The following ADAMTS2 variants were observed in gnomAD, a reference collection of about 807,000 sequenced individuals.
The protein encoded by ADAMTS2 is A disintegrin and metalloproteinase with thrombospondin motifs 2.
In ADAMTS2, 50 loss-of-function variants were observed where a neutral mutation model predicts 123.0. The ratio of observed to expected loss-of-function variants is 0.41; its 90% CI spans 0.32 to 0.51. ADAMTS2 has a LOEUF of 0.51. ADAMTS2 is among the 20% of genes least tolerant of loss of function. The probability of loss-of-function intolerance (pLI) is 0.35; values close to 1 mark genes in which losing one functional copy is unlikely to be tolerated. For synonymous variants in ADAMTS2, 678 were observed against 695.4 expected, an observed-to-expected ratio of 0.98 and a Z score of 0.39; for missense variants, 1,494 against 1,705.2, an observed-to-expected ratio of 0.88 and a Z score of 2.18.
chr5:179,158,009 G>C lies in ADAMTS2; in HGVS notation c.1132+714C>G, dbSNP rs1763514517. Among the ~76,000 whole-genome samples the C allele has an allele frequency of 6.6e-6, 1 of 151,700 alleles. No individual in the cohort carries two copies. The highest frequency in any genetic ancestry group is 6.6e-5 in the Admixed American group (1 of 15,240). ...AGACAGAGTCTCGCACTGTCTCCCAGGCTGGAGCAAAGTGGTGCGATCTCG... is the reference window on the plus strand; with the variant it reads ...AGACAGAGTCTCGCACTGTCTCCCACGCTGGAGCAAAGTGGTGCGATCTCG... On this transcript the variant is annotated intron_variant, in intron 6 of 21. Coordinates refer to ENST00000251582, the MANE Select transcript of ADAMTS2 (RefSeq NM_014244.5). This position sits in a 1 kb window ranked among gnomAD's most constrained non-coding sequence, Gnocchi z 5.0.
chr5:179,152,326 C>T (rs770450527), intron 9 of ADAMTS2, 71 bp from the exon 10 acceptor site: 116 of 1,453,166 alleles, frequency 8.0e-5, no homozygotes, highest in Admixed American at 1.8e-4. Context: ...CACCCACCCC[C>T]GGGTTCTGGA....
intron 4 of ADAMTS2, among the ~76,000 whole-genome samples, chr5:179,195,810 A>G (rs1191052761): frequency 6.6e-6 from 1 of 152,208 alleles, no homozygotes; most frequent in Non-Finnish European, 1.5e-5. Flanking sequence ...AGCGTGAGGA[A>G]CAGAAACAGT....
rs965593276 is a variant in ADAMTS2, at chr5:179,115,411, A to G, written c.3179-1087T>C. 6.6e-6 allele frequency among the ~76,000 whole-genome samples: 1 copy of G among 152,198 alleles called. No individual in the cohort carries two copies. The highest frequency in any genetic ancestry group is 2.4e-5 in the African/African-American group (1 of 41,446). ...AAGAAAGAATAAGTCATGTTACAGG[A>G]GATACTTGATCCAGTATAAATTCCG... On this transcript the variant is annotated intron_variant, in intron 21 of 21. Coordinates refer to ENST00000251582, the MANE Select transcript of ADAMTS2 (RefSeq NM_014244.5). This position sits in a 1 kb window ranked among gnomAD's most constrained non-coding sequence, Gnocchi z 4.4.
chr5:179,205,937 A>G (rs1764679588), intron 4 of ADAMTS2, among the ~76,000 whole-genome samples: 1 of 151,808 alleles, frequency 6.6e-6, no homozygotes, highest in South Asian at 2.1e-4. Context: ...ACGCCCGGCT[A>G]ATTTTTTGTA....
intron 13 of ADAMTS2, among the ~76,000 whole-genome samples, chr5:179,133,717 T>C (rs1364929416): frequency 2.6e-5 from 4 of 152,088 alleles, no homozygotes; most frequent in Non-Finnish European, 4.4e-5. Flanking sequence ...ATAAAATATT[T>C]AACCTATTCT....
At chr5:179,204,728 C>G (rs1043022695) in intron 4 of ADAMTS2, among the ~76,000 whole-genome samples, 3 of 152,252 alleles carry the variant, frequency 2.0e-5, no homozygotes, top group African/African-American at 7.2e-5. Flanking sequence ...CGCGCCTTAT[C>G]TCCCTCGCCC....
In ADAMTS2 at chr5:179,256,626, C is replaced by CGGGGCCAGCATGAGTGGG. The variant is rs1211678681; in HGVS notation, c.688+16267_688+16284dup. 5.3e-5 allele frequency among the ~76,000 whole-genome samples: 8 copies of CGGGGCCAGCATGAGTGGG among 152,036 alleles called. No individual in the cohort carries two copies. Among genetic ancestry groups the CGGGGCCAGCATGAGTGGG allele is most frequent in the African/African-American group, 1.7e-4 (7 of 41,372 alleles). On this transcript the variant is annotated intron_variant, in intron 3 of 21. Transcript: ENST00000251582. This position sits in a 1 kb window ranked among gnomAD's most constrained non-coding sequence, Gnocchi z 4.1. ...CACACTCCACTGCAAACCAGGCAGG[C>CGGGGCCAGCATGAGTGGG]GGGGCCAGCATGAGTGGGGGGGCCA...
intron 5 of ADAMTS2, among the ~76,000 whole-genome samples, chr5:179,164,040 A>AG (rs1403517768): frequency 6.6e-6 from 1 of 152,146 alleles, no homozygotes; most frequent in Non-Finnish European, 1.5e-5. Context: ...GGGTCCCAGC[A>AG]GGGGGTACCC....
rs886452372 is a variant in ADAMTS2 at position 179,170,945 on chromosome 5, T to C, written c.975+10127A>G. 6.6e-6 allele frequency among the ~76,000 whole-genome samples: 1 copy of C among 152,202 alleles called. No homozygotes were observed. Among genetic ancestry groups the C allele is most frequent in the Admixed American group, 6.5e-5 (1 of 15,288 alleles). The stretch of plus-strand genomic sequence containing the variant: ...GAAAACAGGGCCTCCCCCAGTGCTA[T>C]GCAAAGTGAAGTCTGTGCCTGGTGG... On this transcript the variant is annotated intron_variant, in intron 5 of 21. Coordinates refer to ENST00000251582, the MANE Select transcript of ADAMTS2 (RefSeq NM_014244.5). This position sits in a 1 kb window ranked among gnomAD's most constrained non-coding sequence, Gnocchi z 4.3.
chr5:179,297,287 T>C (rs560989564), intron 2 of ADAMTS2, among the ~76,000 whole-genome samples: 2 of 152,276 alleles, frequency 1.3e-5, no homozygotes, highest in African/African-American at 4.8e-5. Flanking sequence ...ATGAGTATTC[T>C]TTACAAGCAT....
intron 5 of ADAMTS2, among the ~76,000 whole-genome samples, chr5:179,173,212 T>TTAATAATAATAATAATAATAA (rs71589488): frequency 4.8e-5 from 7 of 145,190 alleles, no homozygotes; most frequent in African/African-American, 1.8e-4. Flanking sequence ...ACCCCATCTC[T>TTAATAATAATAATAATAATAA]TAATAATAAT....
intron 4 of ADAMTS2, among the ~76,000 whole-genome samples, chr5:179,200,468 C>T (rs1281742296): frequency 3.3e-5 from 5 of 152,138 alleles, no homozygotes; most frequent in Admixed American, 6.5e-5. Flanking sequence ...AGGCTCGTCT[C>T]GAACTCTTGA....
chr5:179,235,814 T>C (rs1162908385), intron 3 of ADAMTS2, among the ~76,000 whole-genome samples: 4 of 152,214 alleles, frequency 2.6e-5, no homozygotes, highest in East Asian at 1.9e-4. Context: ...TGCTAGATCC[T>C]GGGGGTCTCC....
intron 3 of ADAMTS2, among the ~76,000 whole-genome samples, chr5:179,261,587 C>A (rs939922068): frequency 4.6e-5 from 7 of 152,240 alleles, no homozygotes; most frequent in African/African-American, 1.7e-4. Flanking sequence ...ATGTCCCCAC[C>A]CCTGAGTTTC....
chr5:179,198,605 G>A (rs1460628858), intron 4 of ADAMTS2, among the ~76,000 whole-genome samples: 1 of 152,118 alleles, frequency 6.6e-6, no homozygotes, highest in Non-Finnish European at 1.5e-5. Context: ...AGGCTGAGGC[G>A]GGTGGATCAC....
intron 2 of ADAMTS2, among the ~76,000 whole-genome samples, chr5:179,339,552 C>A (rs1757710053): frequency 6.6e-6 from 1 of 152,218 alleles, no homozygotes; most frequent in African/African-American, 2.4e-5. Context: ...CTTAAGGTGA[C>A]AAGTATGGCG....
chr5:179,345,153 C>A lies in ADAMTS2; in HGVS notation c.139+37G>T. 9.3e-7 allele frequency: 1 copy of A among 1,077,746 alleles called. No homozygotes were observed. The highest frequency in any genetic ancestry group is 1.1e-6 in the Non-Finnish European group (1 of 890,412). 66.8% of individuals were successfully genotyped at this position (1,077,746 alleles called of 1,614,324 possible). Reference sequence around the variant, plus strand: ...GGCACGCGGGACAGGGCCAGGCCGGCGGGGGTCCCGGGGAGTAGGGGCCGG... The same window carrying A: ...GGCACGCGGGACAGGGCCAGGCCGGAGGGGGTCCCGGGGAGTAGGGGCCGG... On this transcript the variant is annotated intron_variant, in intron 1 of 21. Coordinates refer to ENST00000251582, the MANE Select transcript of ADAMTS2 (RefSeq NM_014244.5). This position sits in a 1 kb window ranked among gnomAD's most constrained non-coding sequence, Gnocchi z 7.5.
chr5:179,167,347 C>T (rs1763723543), intron 5 of ADAMTS2, among the ~76,000 whole-genome samples: 1 of 152,028 alleles, frequency 6.6e-6, no homozygotes, highest in Admixed American at 6.6e-5. Context: ...GACTCCGCGG[C>T]CGCACCCGGG....
rs966490825 is a variant in ADAMTS2 at position 179,185,453 on chromosome 5, TG to T, written c.892-4299del. 6.6e-6 allele frequency among the ~76,000 whole-genome samples: 1 copy of T among 152,098 alleles called. No individual in the cohort carries two copies. The highest frequency in any genetic ancestry group is 2.4e-5 in the African/African-American group (1 of 41,424). The stretch of plus-strand genomic sequence containing the variant: ...AGGAGATGCGGGGCTGGCCCTCTCC[TG>T]GCTCCTGGCCAGGCCCTGCCCCTCA... On this transcript the variant is annotated intron_variant, in intron 4 of 21. Transcript: ENST00000251582. This position sits in a 1 kb window ranked among gnomAD's most constrained non-coding sequence, Gnocchi z 5.9.
Sources: gnomAD v4.1 joint callset for allele counts (sites outside exome capture counted in the v4.1 genomes callset) on GRCh38, gnomAD v4.1.1 for gene constraint, Gnocchi (gnomAD v3.1) non-coding constraint, MANE v1.5 for transcripts, NCBI Gene and HGNC (gene_info 2026-07-23, HGNC 2026-07-21) for gene names.